Variants in CNTNAP2 observed in about 807,000 individuals in gnomAD.
CNTNAP2 encodes the protein contactin-associated protein-like 2.
Under a neutral mutation model 155.2 loss-of-function variants are expected in CNTNAP2, and 98 were observed. That is an observed-to-expected ratio of 0.63 (90% CI 0.54 to 0.75). The LOEUF is 0.75. Among genes scored for constraint, CNTNAP2 ranks in the 30% least tolerant of loss-of-function variants. CNTNAP2 has a pLI of 0.00. For missense variants in CNTNAP2, 1,727 were observed against 1,688.1 expected (o/e 1.02, Z -0.40); for synonymous variants, 651 against 631.2 (o/e 1.03, Z -0.47).
intron 11 of CNTNAP2, among the ~76,000 whole-genome samples, chr7:147,492,496 T>C (rs1214635524): frequency 2.0e-5 from 3 of 152,216 alleles, no homozygotes; most frequent in Admixed American, 1.3e-4. Flanking sequence ...TTGAATAACA[T>C]GAACATAAAA....
At chr7:146,817,549 A>G (rs753825527) in intron 2 of CNTNAP2, among the ~76,000 whole-genome samples, 2 of 152,108 alleles carry the variant, frequency 1.3e-5, no homozygotes, top group Non-Finnish European at 2.9e-5. Flanking sequence ...TGTAGGCTGT[A>G]CAGAAAGCAT....
chr7:147,670,809 A>C (rs115052597), intron 13 of CNTNAP2, among the ~76,000 whole-genome samples: 3 of 152,104 alleles, frequency 2.0e-5, no homozygotes, highest in Admixed American at 6.5e-5. Flanking sequence ...GGATACCACT[A>C]GTGTGGATAA....
chr7:147,606,586 G>C (rs972283879), intron 12 of CNTNAP2, among the ~76,000 whole-genome samples: 1 of 152,078 alleles, frequency 6.6e-6, no homozygotes, highest in Non-Finnish European at 1.5e-5. Flanking sequence ...TTGACCACTA[G>C]AGTACCAATA....
intron 10 of CNTNAP2, among the ~76,000 whole-genome samples, chr7:147,424,111 A>G (rs1289704815): frequency 6.6e-6 from 1 of 152,044 alleles, no homozygotes; most frequent in Non-Finnish European, 1.5e-5. Context: ...TGGTGTTGCA[A>G]TCCTACTTCA....
chr7:147,407,261 G>T (rs1244370885), intron 10 of CNTNAP2, among the ~76,000 whole-genome samples: 2 of 152,022 alleles, frequency 1.3e-5, no homozygotes, highest in Non-Finnish European at 2.9e-5. Flanking sequence ...GAGGTCAGGA[G>T]ATCGAGACCA....
At chr7:147,817,628 G>A (rs1798288036) in intron 13 of CNTNAP2, among the ~76,000 whole-genome samples, 1 of 152,082 alleles carries the variant, frequency 6.6e-6, no homozygotes, top group African/African-American at 2.4e-5. Context: ...AAGAAGGCCG[G>A]GCGTGGTGGC....
chr7:147,492,644 C>T (rs1280931124), intron 11 of CNTNAP2, among the ~76,000 whole-genome samples: 2 of 152,148 alleles, frequency 1.3e-5, no homozygotes, highest in African/African-American at 4.8e-5. Context: ...GCCAAACTTA[C>T]TTCCCCATCA....
At chr7:146,284,762 G>T (rs146518425) in intron 1 of CNTNAP2, among the ~76,000 whole-genome samples, 1 of 152,172 alleles carries the variant, frequency 6.6e-6, no homozygotes, top group Admixed American at 6.5e-5. Flanking sequence ...GGAACCTGAC[G>T]GGGTTTGACT....
intron 21 of CNTNAP2, among the ~76,000 whole-genome samples, chr7:148,358,032 G>GA (rs1191182518): frequency 6.6e-6 from 1 of 152,104 alleles, no homozygotes; most frequent in Non-Finnish European, 1.5e-5. Context: ...TAGTCAGGGA[G>GA]AAAAACCTGT....
intron 18 of CNTNAP2, among the ~76,000 whole-genome samples, chr7:148,175,584 G>A (rs149925743): frequency 8.5e-5 from 13 of 152,204 alleles, no homozygotes; most frequent in South Asian, 6.2e-4. Flanking sequence ...GATGGGCATC[G>A]GAGGAAGGGC....
At chr7:147,164,720 C>A (rs1443451323) in intron 8 of CNTNAP2, among the ~76,000 whole-genome samples, 2 of 152,098 alleles carry the variant, frequency 1.3e-5, no homozygotes, top group Non-Finnish European at 1.5e-5. Context: ...TTATTCCCTT[C>A]CCCTTGTTGC....
chr7:148,345,523 C>T (rs1044187842), intron 21 of CNTNAP2, among the ~76,000 whole-genome samples: 2 of 151,914 alleles, frequency 1.3e-5, no homozygotes, highest in African/African-American at 2.4e-5. Flanking sequence ...CCACCATGCC[C>T]GACTCATTTT....
chr7:146,466,315 A>G (rs114913063), intron 1 of CNTNAP2, among the ~76,000 whole-genome samples: 2,610 of 152,222 alleles, frequency 0.017, 81 homozygotes, highest in African/African-American at 0.06. Context: ...ATCAGCTTTC[A>G]AATAAGTTTT....
intron 8 of CNTNAP2, among the ~76,000 whole-genome samples, chr7:147,290,196 A>G (rs547839236): frequency 1.3e-5 from 2 of 152,294 alleles, no homozygotes; most frequent in African/African-American, 4.8e-5. Context: ...ACTGTATTTA[A>G]TATTTATCAT....
At chr7:146,117,546 A>G (rs1797503400) in intron 1 of CNTNAP2, among the ~76,000 whole-genome samples, 1 of 152,172 alleles carries the variant, frequency 6.6e-6, no homozygotes, top group South Asian at 2.1e-4. Flanking sequence ...ATTCTTTGAT[A>G]CTTTGATATC....
chr7:146,192,457 G>A (rs1261398953), intron 1 of CNTNAP2, among the ~76,000 whole-genome samples: 1 of 152,156 alleles, frequency 6.6e-6, no homozygotes, highest in Non-Finnish European at 1.5e-5. Flanking sequence ...TGGACGGGGA[G>A]GCCTCATAAT....
intron 1 of CNTNAP2, among the ~76,000 whole-genome samples, chr7:146,616,272 G>A (rs913684735): frequency 3.9e-5 from 6 of 152,006 alleles, no homozygotes; most frequent in Non-Finnish European, 7.4e-5. Context: ...ATTTTCCAGA[G>A]GATTCTTTTG....
intron 5 of CNTNAP2, among the ~76,000 whole-genome samples, chr7:147,113,871 G>C (rs922818144): frequency 6.6e-6 from 1 of 152,070 alleles, no homozygotes; most frequent in Non-Finnish European, 1.5e-5. Flanking sequence ...GGGTTTGTTT[G>C]CTCTTGGTTC....
At chr7:146,520,856 G>A (rs142559429) in intron 1 of CNTNAP2, among the ~76,000 whole-genome samples, 2,095 of 152,018 alleles carry the variant, frequency 0.014, 45 homozygotes, top group African/African-American at 0.045. Flanking sequence ...CTACATTAAT[G>A]TAAAAAGTAG....
Sources: allele counts gnomAD v4.1 joint callset (sites outside exome capture counted in the v4.1 genomes callset), GRCh38; gene constraint gnomAD v4.1.1; transcripts MANE v1.5; gene names NCBI Gene and HGNC (gene_info 2026-07-23, HGNC 2026-07-21).